BRD10: variants seen among roughly 807,000 people sequenced by gnomAD.
The protein encoded by BRD10 is bromodomain containing 10, also known as uncharacterized bromodomain-containing protein 10.
the BRD10 span, among the ~76,000 whole-genome samples, chr9:5,989,595 G>A: frequency 6.7e-6 from 1 of 149,000 alleles, no homozygotes; most frequent in African/African-American, 2.5e-5. Flanking sequence ...GGGGTGCAGT[G>A]GTATGATCCT....
At chr9:5,945,086 G>A in the BRD10 span, 12 of 451,126 alleles carry the variant, frequency 2.7e-5, no homozygotes, top group East Asian at 3.1e-4. Context: ...TAAAAAGCAA[G>A]AAAAGCTCTG....
At chr9:5,912,365 G>A in the BRD10 span, among the ~76,000 whole-genome samples, 1 of 151,706 alleles carries the variant, frequency 6.6e-6, no homozygotes, top group Admixed American at 6.6e-5. Context: ...CCCGTCTCTT[G>A]TCTGATTGGT....
the BRD10 span, among the ~76,000 whole-genome samples, chr9:5,937,323 G>C: frequency 6.6e-6 from 1 of 151,630 alleles, no homozygotes. Flanking sequence ...GATCACCTGA[G>C]GTCAGGGGTT....
At chr9:5,907,673 C>T in the BRD10 span, among the ~76,000 whole-genome samples, 1 of 152,212 alleles carries the variant, frequency 6.6e-6, no homozygotes, top group African/African-American at 2.4e-5. Context: ...TTACATATGG[C>T]TGGGCATGGT....
the BRD10 span, among the ~76,000 whole-genome samples, chr9:5,973,884 A>G: frequency 6.6e-6 from 1 of 152,222 alleles, no homozygotes; most frequent in Non-Finnish European, 1.5e-5. Context: ...CCTGTCTCAA[A>G]AAAACCAAAA....
chr9:5,881,915 C>T, the BRD10 span, among the ~76,000 whole-genome samples: 1 of 152,188 alleles, frequency 6.6e-6, no homozygotes. Context: ...AATGGAGATA[C>T]AGAAAGACGT....
chr9:5,987,020 T>C, the BRD10 span, among the ~76,000 whole-genome samples: 1 of 152,168 alleles, frequency 6.6e-6, no homozygotes, highest in Non-Finnish European at 1.5e-5. Context: ...GCCAGGCTGA[T>C]TGGGTTCCAA....
At chr9:5,988,680 A>C in the BRD10 span, 5 of 644,124 alleles carry the variant, frequency 7.8e-6, no homozygotes, top group Non-Finnish European at 1.3e-5. Flanking sequence ...CTTTGTTCTA[A>C]CTTTTTATCC....
the BRD10 span, among the ~76,000 whole-genome samples, chr9:5,982,267 A>T: frequency 6.6e-6 from 1 of 152,186 alleles, no homozygotes; most frequent in Non-Finnish European, 1.5e-5. Flanking sequence ...TATAAAACAT[A>T]CATTTTCAGA....
At chr9:5,911,450 C>G in the BRD10 span, among the ~76,000 whole-genome samples, 8 of 141,704 alleles carry the variant, frequency 5.6e-5, no homozygotes, top group African/African-American at 2.1e-4. Context: ...GTTTTGGTTA[C>G]TATAGGCTTT....
the BRD10 span, chr9:5,897,933 C>T: frequency 3.1e-6 from 1 of 323,100 alleles, no homozygotes; most frequent in Non-Finnish European, 5.9e-6. Context: ...ATTTGGTTTA[C>T]AGTTGGGAGG....
At chr9:5,909,995 T>C in the BRD10 span, 3 of 152,250 alleles carry the variant, frequency 2.0e-5, no homozygotes, top group African/African-American at 4.8e-5. Flanking sequence ...TCATTTTCCA[T>C]AGTAGAGGAT....
At chr9:5,962,591 C>G in the BRD10 span, among the ~76,000 whole-genome samples, 8 of 40,264 alleles carry the variant, frequency 2.0e-4, 1 homozygote, top group East Asian at 2.4e-3. Context: ...CAAAGCTGGG[C>G]AGAGACACAA....
the BRD10 span, among the ~76,000 whole-genome samples, chr9:5,940,395 A>T: frequency 2.0e-5 from 3 of 151,920 alleles, no homozygotes; most frequent in Non-Finnish European, 4.4e-5. Flanking sequence ...GGGTTTCACC[A>T]TGTTAGCCAG....
the BRD10 span, among the ~76,000 whole-genome samples, chr9:5,985,946 T>C: frequency 6.2e-4 from 94 of 152,272 alleles, 1 homozygote; most frequent in Admixed American, 2.6e-3. Context: ...TGTTGGGTTG[T>C]GGGCACATAG....
chr9:5,918,544 C>G, the BRD10 span, among the ~76,000 whole-genome samples: 1 of 151,960 alleles, frequency 6.6e-6, no homozygotes, highest in Non-Finnish European at 1.5e-5. Context: ...GTGAAACCAT[C>G]TCTACAAAAA....
At chr9:5,922,473 G>T in the BRD10 span, 10 of 1,613,880 alleles carry the variant, frequency 6.2e-6, no homozygotes, top group Non-Finnish European at 8.5e-6. Context: ...TTTGATAAAG[G>T]TGTAATTGTT....
chr9:5,996,407 C>T, the BRD10 span, among the ~76,000 whole-genome samples: 3 of 152,244 alleles, frequency 2.0e-5, no homozygotes, highest in East Asian at 5.8e-4. Flanking sequence ...CAACCTTTGC[C>T]TCCTGGGTTC....
chr9:5,901,837 G>C, the BRD10 span, among the ~76,000 whole-genome samples: 1 of 152,116 alleles, frequency 6.6e-6, no homozygotes, highest in African/African-American at 2.4e-5. Flanking sequence ...TCTCAATATT[G>C]AACCAGGTTT....
Sources: allele counts gnomAD v4.1 joint callset (sites outside exome capture counted in the v4.1 genomes callset), GRCh38; gene constraint gnomAD v4.1.1; transcripts MANE v1.5; gene names NCBI Gene and HGNC (gene_info 2026-07-23, HGNC 2026-07-21).